The following CD72 variants were observed in gnomAD, a reference collection of about 807,000 sequenced individuals.
CD72 encodes the protein CD72 molecule, also known as B-cell differentiation antigen CD72.
A neutral mutation model predicts 50.7 loss-of-function variants in CD72; 28 were observed. That is an observed-to-expected ratio of 0.55 (90% CI 0.41 to 0.76). The LOEUF (loss-of-function observed/expected upper bound fraction) is 0.76, where lower values mean the gene tolerates loss of function less well. Among genes scored for constraint, CD72 ranks in the 30% least tolerant of loss-of-function variants. The pLI is 0.00. For missense variants in CD72, 403 were observed against 420.6 expected, an observed-to-expected ratio of 0.96 and a Z score of 0.37; for synonymous variants, 176 against 171.2, an observed-to-expected ratio of 1.03 and a Z score of -0.22.
chr9:35,622,121 A>C (rs1010678550), upstream of CD72, among the ~76,000 whole-genome samples: 6 of 152,230 alleles, frequency 3.9e-5, no homozygotes, highest in African/African-American at 1.4e-4. Context: ...ACAGTTTTCC[A>C]TCTGTAAAAT....
At chr9:35,620,554 G>A (rs185150049), upstream of CD72, among the ~76,000 whole-genome samples, 355 of 152,178 alleles carry the variant, frequency 2.3e-3, 1 homozygote, top group Admixed American at 0.013. Flanking sequence ...TCTCCTGGCC[G>A]GCATGGTGGC....
chr9:35,610,743 G>C lies in CD72; in HGVS notation c.961C>G (p.Gln321Glu). Residue 321 changes from glutamine to glutamate, a missense_variant, in exon 8 of 9, where the codon CAA (glutamine) becomes GAA (glutamate). Transcript: ENST00000259633. ...DDTQRTRTYA[Q>E]SSKCNKVHKT... The stretch of plus-strand genomic sequence containing the variant: ...TGTACCTTGTTACATTTTGAGCTTT[G>C]AGCATAAGTCCTAAAAAGTAGTAAG... The C allele has an allele frequency of 1.2e-6, 2 of 1,612,134 alleles. No homozygotes were observed. The highest frequency in any genetic ancestry group is 1.7e-4 in the Middle Eastern group (1 of 6,058).
intron 1 of CD72, chr9:35,642,742 A>G (rs995704059): frequency 2.0e-5 from 3 of 152,146 alleles, no homozygotes; most frequent in African/African-American, 7.2e-5. Flanking sequence ...AGTGTATATA[A>G]TGGCCTGGCT....
chr9:35,626,710 C>T (rs1408095766), intron 1 of CD72, among the ~76,000 whole-genome samples: 1 of 152,218 alleles, frequency 6.6e-6, no homozygotes, highest in East Asian at 1.9e-4. Flanking sequence ...AGACCCTCCA[C>T]TGGCAAAAAG....
chr9:35,637,401 G>A (rs568515768), intron 1 of CD72, among the ~76,000 whole-genome samples: 4 of 152,248 alleles, frequency 2.6e-5, no homozygotes, highest in African/African-American at 7.2e-5. Context: ...CCCTGTCCTC[G>A]CCCTAACTCT....
upstream of CD72, among the ~76,000 whole-genome samples, chr9:35,622,299 AGCC>A (rs1444379424): frequency 3.3e-5 from 5 of 152,218 alleles, no homozygotes; most frequent in East Asian, 9.6e-4. Flanking sequence ...TGATCACTGA[AGCC>A]AAAGAGTACA....
chr9:35,637,125 G>A (rs1245227742), intron 1 of CD72, among the ~76,000 whole-genome samples: 3 of 151,770 alleles, frequency 2.0e-5, no homozygotes, highest in African/African-American at 4.8e-5. Context: ...TTCTCCCCAC[G>A]CTTGAGAACG....
intron 1 of CD72, among the ~76,000 whole-genome samples, chr9:35,630,871 C>T (rs781688675): frequency 6.6e-6 from 1 of 152,098 alleles, no homozygotes; most frequent in Non-Finnish European, 1.5e-5. Context: ...CGAGATAAAC[C>T]TGCGCAACAT....
chr9:35,636,236 C>G (rs1823288512), intron 1 of CD72, among the ~76,000 whole-genome samples: 2 of 152,160 alleles, frequency 1.3e-5, no homozygotes, highest in African/African-American at 4.8e-5. Context: ...CAGACATGCC[C>G]TAAATGTTTC....
upstream of CD72, among the ~76,000 whole-genome samples, chr9:35,620,869 G>A (rs142611229): frequency 4.6e-5 from 7 of 152,204 alleles, no homozygotes; most frequent in East Asian, 1.9e-4. Context: ...ACTGCACACC[G>A]CAATATCTTG....
intron 1 of CD72, among the ~76,000 whole-genome samples, chr9:35,637,080 C>T (rs1823297600): frequency 6.6e-6 from 1 of 152,052 alleles, no homozygotes; most frequent in African/African-American, 2.4e-5. Flanking sequence ...TTGTACGATA[C>T]ACCCTCCCCA....
At chr9:35,634,123 T>C (rs1338175641) in intron 1 of CD72, among the ~76,000 whole-genome samples, 1 of 152,172 alleles carries the variant, frequency 6.6e-6, no homozygotes, top group African/African-American at 2.4e-5. Flanking sequence ...TTAAAGTTTT[T>C]TTATATTGTT....
upstream of CD72, among the ~76,000 whole-genome samples, chr9:35,622,928 G>A (rs2153239): frequency 0.44 from 67,010 of 151,928 alleles, 16,753 homozygotes; most frequent in South Asian, 0.57. Context: ...CCAACACAGC[G>A]AGACTCCATC....
chr9:35,616,551 G>T, intron 4 of CD72, 49 bp downstream of exon 4: 1 of 1,415,458 alleles, frequency 7.1e-7, no homozygotes, highest in Non-Finnish European at 1.0e-6. Flanking sequence ...GCGAGAGTCG[G>T]GACGAAAGTC....
chr9:35,646,173 A>G (rs1823390551), intron 1 of CD72: 1 of 152,156 alleles, frequency 6.6e-6, no homozygotes, highest in African/African-American at 2.4e-5. Flanking sequence ...AAAAAAAGAA[A>G]AAAAAAAAGA....
At chr9:35,626,370 G>A (rs1587906292) in intron 1 of CD72, among the ~76,000 whole-genome samples, 1 of 152,128 alleles carries the variant, frequency 6.6e-6, no homozygotes, top group Non-Finnish European at 1.5e-5. Flanking sequence ...TTGAACAGAT[G>A]AGGAATTGAT....
At chr9:35,632,534 C>CTT (rs1233136492) in intron 1 of CD72, among the ~76,000 whole-genome samples, 1 of 150,230 alleles carries the variant, frequency 6.7e-6, no homozygotes, top group Admixed American at 6.6e-5. Flanking sequence ...ATCTTTCTCT[C>CTT]TTTTTCCCCC....
At position 35,616,683 on chromosome 9, in the gene CD72, G is replaced by A. The variant is rs1212608980; in HGVS notation, c.269C>T (p.Thr90Ile). 9 of 1,613,320 alleles carry A rather than the reference G, an allele frequency of 5.6e-6. No homozygotes were observed. The highest frequency in any genetic ancestry group is 7.6e-6 in the Non-Finnish European group (9 of 1,179,826). The change falls in exon 4 of 9, where the codon ACA becomes ATA. Residue 90 changes from threonine (T) to isoleucine (I), a missense_variant. Thr to Ile is a moderately conservative substitution (Grantham distance 89). Transcript: ENST00000259633. ...PAVGRILPCR[T>I]TCLRYLLLGL... Reference sequence around the variant, plus strand: ...GAGCAGGAGGTATCGCAGGCAGGTTGTGCGGCCTTAGGGGGACAGTGGGAT... The same window carrying A: ...GAGCAGGAGGTATCGCAGGCAGGTTATGCGGCCTTAGGGGGACAGTGGGAT...
At chr9:35,630,616 A>G (rs895309269) in intron 1 of CD72, among the ~76,000 whole-genome samples, 1 of 152,200 alleles carries the variant, frequency 6.6e-6, no homozygotes, top group African/African-American at 2.4e-5. Context: ...ATATGAGTAA[A>G]TGTATGTACC....
Sources: gnomAD v4.1 joint callset for allele counts (sites outside exome capture counted in the v4.1 genomes callset) on GRCh38, gnomAD v4.1.1 for gene constraint, MANE v1.5 for transcripts, NCBI Gene and HGNC (gene_info 2026-07-23, HGNC 2026-07-21) for gene names.